Variants in PARP8 observed in about 807,000 individuals in gnomAD.
The protein encoded by PARP8 is poly(ADP-ribose) polymerase family member 8, also known as protein mono-ADP-ribosyltransferase PARP8.
In PARP8, 51 loss-of-function variants were observed where a neutral mutation model predicts 124.1. That is an observed-to-expected ratio of 0.41 (90% CI 0.33 to 0.52). PARP8 has a LOEUF of 0.52. PARP8 is among the 20% of genes least tolerant of loss of function. The probability of loss-of-function intolerance (pLI) is 0.21; values close to 1 mark genes in which losing one functional copy is unlikely to be tolerated. For synonymous variants in PARP8, 391 were observed against 361.5 expected (o/e 1.08, Z -0.93); for missense variants, 860 against 1,018.9 (o/e 0.84, Z 2.12).
intron 9 of PARP8, 52 bp downstream of exon 9, chr5:50,778,702 A>G (rs773602158): frequency 6.6e-6 from 8 of 1,208,790 alleles, no homozygotes; most frequent in African/African-American, 6.2e-5. Flanking sequence ...GCTGTGCACT[A>G]TGCCTTAAGC....
At chr5:50,668,168 T>C (rs762302502) in intron 2 of PARP8, 43 bp downstream of exon 2, 14 of 1,490,006 alleles carry the variant, frequency 9.4e-6, no homozygotes, top group Non-Finnish European at 1.3e-5. Context: ...GTTCACACTC[T>C]TGTGTTTCCT....
intron 3 of PARP8, among the ~76,000 whole-genome samples, chr5:50,753,473 T>G (rs1266896314): frequency 4.6e-5 from 7 of 152,126 alleles, no homozygotes; most frequent in African/African-American, 1.7e-4. Flanking sequence ...TAATAAACAT[T>G]TATATTTTAT....
chr5:50,826,811 GTTT>G lies in PARP8; in HGVS notation c.1977+20_1977+22del, dbSNP rs35290606. ...AAACTGCCAGTTAACAGGGTAAGTT[GTTT>G]TTTTTTTTTTTACATATGCATACAG... On this transcript the variant is annotated intron_variant, in intron 19 of 25. Coordinates refer to ENST00000281631, the MANE Select transcript of PARP8 (RefSeq NM_024615.4). The G allele has an allele frequency of 7.2e-5, 103 of 1,427,378 alleles. No homozygotes were observed. Among genetic ancestry groups the G allele is most frequent in the Admixed American group, 4.3e-4 (20 of 46,230 alleles). 88.4% of individuals were successfully genotyped at this position (1,427,378 alleles called of 1,614,324 possible).
intron 7 of PARP8, among the ~76,000 whole-genome samples, chr5:50,765,258 G>A (rs558751039): frequency 7.3e-5 from 11 of 149,890 alleles, no homozygotes; most frequent in East Asian, 3.9e-4. Flanking sequence ...GCGAAACTCC[G>A]TCTCAAAAAA....
intron 2 of PARP8, chr5:50,741,779 A>C (rs1382512279): frequency 4.7e-6 from 2 of 422,744 alleles, no homozygotes; most frequent in African/African-American, 2.1e-5. Flanking sequence ...AATTTATTTC[A>C]TAGGTGAGAA....
intron 2 of PARP8, among the ~76,000 whole-genome samples, chr5:50,704,598 T>C (rs1753938591): frequency 4.6e-5 from 7 of 152,180 alleles, no homozygotes; most frequent in Admixed American, 4.6e-4. Context: ...TGAGACGTGC[T>C]GTAAGTGTTA....
At chr5:50,720,597 G>T (rs1338157870) in intron 2 of PARP8, among the ~76,000 whole-genome samples, 5 of 152,004 alleles carry the variant, frequency 3.3e-5, no homozygotes, top group Non-Finnish European at 7.4e-5. Flanking sequence ...ATACTGGGCA[G>T]AACTTAATTA....
chr5:50,802,599 G>T (rs1743355800), intron 14 of PARP8, among the ~76,000 whole-genome samples: 1 of 152,142 alleles, frequency 6.6e-6, no homozygotes, highest in African/African-American at 2.4e-5. Flanking sequence ...TTATAGGCAT[G>T]AGCCACTGTA....
At chr5:50,830,890 A>C (rs187391680) in intron 22 of PARP8, among the ~76,000 whole-genome samples, 1 of 152,124 alleles carries the variant, frequency 6.6e-6, no homozygotes, top group East Asian at 1.9e-4. Context: ...TGTCATTCAC[A>C]TGGTGCCTGA....
At chr5:50,775,127 A>G (rs1580299586) in intron 7 of PARP8, among the ~76,000 whole-genome samples, 2 of 152,146 alleles carry the variant, frequency 1.3e-5, no homozygotes, top group African/African-American at 4.8e-5. Flanking sequence ...GCGGCCAGGC[A>G]GAGACACTCC....
chr5:50,666,912 T>A lies in PARP8; in HGVS notation c.-184T>A. 2.3e-6 allele frequency: 3 copies of A among 1,306,458 alleles called. No homozygotes were observed. The highest frequency in any genetic ancestry group is 1.5e-5 in the African/African-American group (1 of 64,634). The allele number at this position is 1,306,458 out of a possible 1,614,324, so 80.9% of individuals were successfully genotyped here. On this transcript the variant is annotated 5_prime_UTR_variant, in exon 1 of 26. Coordinates refer to ENST00000281631, the MANE Select transcript of PARP8 (RefSeq NM_024615.4). ...TGCAAAGCCGACCTCCCCCTCCTCCTCCTCCTCCCCCTCCTCCTCCTCCTC... is the reference window on the plus strand; with the variant it reads ...TGCAAAGCCGACCTCCCCCTCCTCCACCTCCTCCCCCTCCTCCTCCTCCTC...
At chr5:50,768,003 A>T (rs1761219797) in intron 7 of PARP8, among the ~76,000 whole-genome samples, 1 of 150,524 alleles carries the variant, frequency 6.6e-6, no homozygotes, top group Non-Finnish European at 1.5e-5. Context: ...GTATGTGTAT[A>T]TACATATATG....
At position 50,797,346 on chromosome 5, in the gene PARP8, G is replaced by A. The variant is rs1374711311; in HGVS notation, c.1575+113G>A. The A allele has an allele frequency of 1.0e-5, 7 of 703,036 alleles. No homozygotes were observed. In the East Asian group the frequency reaches 1.8e-4, roughly 18 times the overall value. The allele number at this position is 703,036 out of a possible 1,614,324, so 43.5% of individuals were successfully genotyped here. ...CAGTTGAAAGCAAATACTCTTTATT[G>A]AGCAAATTATTTACATATAATTTTG... On this transcript the variant is annotated intron_variant, in intron 14 of 25. Coordinates refer to ENST00000281631, the MANE Select transcript of PARP8 (RefSeq NM_024615.4).
intron 2 of PARP8, chr5:50,738,991 A>G: frequency 2.8e-6 from 2 of 702,554 alleles, no homozygotes; most frequent in Non-Finnish European, 5.2e-6. Context: ...ACATTCCTAG[A>G]CTGGCTTCCC....
chr5:50,704,256 TC>T (rs1753897198), intron 2 of PARP8, among the ~76,000 whole-genome samples: 1 of 152,142 alleles, frequency 6.6e-6, no homozygotes, highest in Admixed American at 6.6e-5. Flanking sequence ...TGTATAGATA[TC>T]CTCACAATTT....
intron 7 of PARP8, among the ~76,000 whole-genome samples, chr5:50,764,041 C>T (rs1429127745): frequency 6.6e-6 from 1 of 152,160 alleles, no homozygotes; most frequent in Non-Finnish European, 1.5e-5. Context: ...TCTTCAAATC[C>T]CACTGCTGTC....
At chr5:50,800,808 G>C (rs1743124081) in intron 14 of PARP8, among the ~76,000 whole-genome samples, 1 of 149,394 alleles carries the variant, frequency 6.7e-6, no homozygotes, top group Non-Finnish European at 1.5e-5. Context: ...TCATGTTGGA[G>C]TGCAGTGGTG....
intron 2 of PARP8, among the ~76,000 whole-genome samples, chr5:50,747,969 CTT>C (rs1438199211): frequency 1.3e-5 from 2 of 151,570 alleles, no homozygotes; most frequent in African/African-American, 4.8e-5. Flanking sequence ...ATAGACCTTG[CTT>C]TTTTATCCAT....
chr5:50,759,983 A>G lies in PARP8; in HGVS notation c.274+251A>G, dbSNP rs187904181. Among the ~76,000 whole-genome samples the G allele has an allele frequency of 5.9e-5, 9 of 152,318 alleles. No individual in the cohort carries two copies. The East Asian group carries it at 1.3e-3, about 23-fold the overall frequency. The stretch of plus-strand genomic sequence containing the variant: ...ATTGCTGTTGTAAAAATATTTTCCT[A>G]CATAGTGACAGACTGAATATTTTAA... On this transcript the variant is annotated intron_variant, in intron 4 of 25. Coordinates refer to ENST00000281631, the MANE Select transcript of PARP8 (RefSeq NM_024615.4).
Sources: gnomAD v4.1 joint callset for allele counts (sites outside exome capture counted in the v4.1 genomes callset) on GRCh38, gnomAD v4.1.1 for gene constraint, MANE v1.5 for transcripts, NCBI Gene and HGNC (gene_info 2026-07-23, HGNC 2026-07-21) for gene names.